The following LOC128706665 variants were observed in gnomAD, a reference collection of about 807,000 sequenced individuals.
the LOC128706665 span, among the ~76,000 whole-genome samples, chr20:10,428,254 G>T: frequency 3.9e-4 from 59 of 152,224 alleles, 1 homozygote; most frequent in Admixed American, 3.9e-3. Flanking sequence ...GCTGCCATTT[G>T]ATGCTGGTGA....
At chr20:10,427,029 G>GACACACACACACAC in the LOC128706665 span, among the ~76,000 whole-genome samples, 1,521 of 130,700 alleles carry the variant, frequency 0.012, 29 homozygotes, top group Middle Eastern at 0.017. Flanking sequence ...AGAAAACACT[G>GACACACACACACAC]ACACACACAC....
At chr20:10,432,639 CA>C in the LOC128706665 span, among the ~76,000 whole-genome samples, 2 of 152,070 alleles carry the variant, frequency 1.3e-5, no homozygotes, top group African/African-American at 4.8e-5. Context: ...CTAAAAAATA[CA>C]AAAATTAGCC....
chr20:10,433,504 A>C, the LOC128706665 span, among the ~76,000 whole-genome samples: 1 of 152,324 alleles, frequency 6.6e-6, no homozygotes, highest in South Asian at 2.1e-4. Flanking sequence ...GATGTTAATG[A>C]ATGAATGAAA....
the LOC128706665 span, among the ~76,000 whole-genome samples, chr20:10,430,757 A>C: frequency 6.6e-6 from 1 of 152,264 alleles, no homozygotes; most frequent in African/African-American, 2.4e-5. Flanking sequence ...GAAGGAAGTC[A>C]GAAAACTGAT....
At chr20:10,425,245 T>G in the LOC128706665 span, among the ~76,000 whole-genome samples, 1 of 152,138 alleles carries the variant, frequency 6.6e-6, no homozygotes, top group African/African-American at 2.4e-5. Context: ...AGAATATAAA[T>G]CTCCATTATC....
the LOC128706665 span, among the ~76,000 whole-genome samples, chr20:10,433,887 A>T: frequency 6.6e-6 from 1 of 152,160 alleles, no homozygotes; most frequent in African/African-American, 2.4e-5. Context: ...CGCCGCCCGC[A>T]TCCGTGCCGA....
the LOC128706665 span, among the ~76,000 whole-genome samples, chr20:10,433,671 G>T: frequency 6.6e-6 from 1 of 152,118 alleles, no homozygotes; most frequent in African/African-American, 2.4e-5. Flanking sequence ...GCTGCACAAC[G>T]TCTCTAACGC....
the LOC128706665 span, chr20:10,420,735 C>T: frequency 6.6e-6 from 1 of 152,176 alleles, no homozygotes; most frequent in African/African-American, 2.4e-5. Context: ...TCCGAAGGCT[C>T]ATAGTACTTC....
At chr20:10,419,693 C>G in the LOC128706665 span, among the ~76,000 whole-genome samples, 1 of 152,116 alleles carries the variant, frequency 6.6e-6, no homozygotes, top group African/African-American at 2.4e-5. Context: ...GCGGAGATAC[C>G]ACCACAGTTG....
the LOC128706665 span, among the ~76,000 whole-genome samples, chr20:10,423,667 T>C: frequency 5.3e-5 from 8 of 152,314 alleles, no homozygotes; most frequent in African/African-American, 1.7e-4. Context: ...ACTTAGTGAA[T>C]CTTTAGGTCA....
the LOC128706665 span, among the ~76,000 whole-genome samples, chr20:10,422,852 C>T: frequency 1.3e-5 from 2 of 151,874 alleles, no homozygotes; most frequent in Admixed American, 1.3e-4. Flanking sequence ...GCTGGGACTA[C>T]AGGTGCCCGC....
the LOC128706665 span, among the ~76,000 whole-genome samples, chr20:10,426,743 C>T: frequency 6.6e-6 from 1 of 152,312 alleles, no homozygotes; most frequent in South Asian, 2.1e-4. Flanking sequence ...AAAAGGTTAA[C>T]AGCTGTCATT....
the LOC128706665 span, among the ~76,000 whole-genome samples, chr20:10,414,289 G>C: frequency 6.9e-6 from 1 of 145,078 alleles, no homozygotes; most frequent in South Asian, 2.2e-4. Context: ...TTTTGAGATG[G>C]AGTTTCGCTC....
At chr20:10,424,578 T>C in the LOC128706665 span, among the ~76,000 whole-genome samples, 1 of 151,990 alleles carries the variant, frequency 6.6e-6, no homozygotes, top group Non-Finnish European at 1.5e-5. Context: ...CATTGCTAGT[T>C]TTACAAAAAA....
chr20:10,413,768 C>G, the LOC128706665 span: 1 of 587,694 alleles, frequency 1.7e-6, no homozygotes, highest in Admixed American at 3.1e-5. Context: ...TGCTTTGAGA[C>G]TGAAATTTTA....
At chr20:10,431,568 A>AAACCC in the LOC128706665 span, 1 of 151,498 alleles carries the variant, frequency 6.6e-6, no homozygotes, top group South Asian at 2.1e-4. Flanking sequence ...AAACCAAACC[A>AAACCC]AACCCGCACA....
At chr20:10,427,033 C>CACACACAG in the LOC128706665 span, among the ~76,000 whole-genome samples, 763 of 41,900 alleles carry the variant, frequency 0.018, 16 homozygotes, top group East Asian at 0.098. Context: ...AACACTGACA[C>CACACACAG]ACACACACAC....
At chr20:10,432,216 T>C in the LOC128706665 span, among the ~76,000 whole-genome samples, 5 of 152,372 alleles carry the variant, frequency 3.3e-5, no homozygotes, top group African/African-American at 9.6e-5. Flanking sequence ...CTAGAGTTCC[T>C]GTGGGACTGG....
At chr20:10,415,839 A>G in the LOC128706665 span, among the ~76,000 whole-genome samples, 6 of 152,030 alleles carry the variant, frequency 3.9e-5, no homozygotes, top group Admixed American at 2.6e-4. Flanking sequence ...ACCAGTACAC[A>G]TATCTTTTGG....
Sources: gnomAD v4.1 joint callset for allele counts (sites outside exome capture counted in the v4.1 genomes callset) on GRCh38, gnomAD v4.1.1 for gene constraint, MANE v1.5 for transcripts.